CDH4: variants seen among roughly 807,000 people sequenced by gnomAD.
CDH4 encodes cadherin-4.
In CDH4, 33 loss-of-function variants were observed where a neutral mutation model predicts 86.0. That is an observed-to-expected ratio of 0.38 (90% confidence interval 0.29 to 0.51). The LOEUF (loss-of-function observed/expected upper bound fraction) is 0.51. Ranked by LOEUF, CDH4 falls within the 20% of genes least tolerant of loss-of-function variation. The pLI is 0.86. For missense variants in CDH4, 1,114 were observed against 1,307.4 expected, an observed-to-expected ratio of 0.85 and a Z score of 2.28; for synonymous variants, 555 against 549.4, an observed-to-expected ratio of 1.01 and a Z score of -0.14.
intron 2 of CDH4, among the ~76,000 whole-genome samples, chr20:61,327,389 A>T (rs1201775372): frequency 2.6e-5 from 4 of 152,214 alleles, no homozygotes; most frequent in African/African-American, 9.6e-5. Context: ...GAGGTTGGGG[A>T]TGTTGAAGAA....
rs993458742 is a variant in CDH4, at chr20:61,663,939, G to C, written c.170-79624G>C. 2.0e-5 allele frequency among the ~76,000 whole-genome samples: 3 copies of C among 152,188 alleles called. No homozygotes were observed. The highest frequency in any genetic ancestry group is 2.0e-4 in the Admixed American group (3 of 15,272). ...GCAGTTTAGAGTGACACTGTCCTCT[G>C]TCCAGCACCGGTCCACGTTGAGGTG... On this transcript the variant is annotated intron_variant, in intron 2 of 15. Coordinates refer to ENST00000614565, the MANE Select transcript of CDH4 (RefSeq NM_001794.5). The surrounding 1 kb of genome is among the most constrained non-coding windows in gnomAD (Gnocchi z 5.0).
chr20:61,468,313 C>T (rs986513778), intron 2 of CDH4, among the ~76,000 whole-genome samples: 4 of 152,212 alleles, frequency 2.6e-5, no homozygotes, highest in Non-Finnish European at 5.9e-5. Flanking sequence ...GAAATGGCCT[C>T]TCCCAGGGCC....
intron 2 of CDH4, among the ~76,000 whole-genome samples, chr20:61,442,303 A>G (rs2085318715): frequency 6.6e-6 from 1 of 152,196 alleles, no homozygotes; most frequent in African/African-American, 2.4e-5. Flanking sequence ...GGATGGAACC[A>G]TGCCTCCCTG....
At chr20:61,272,257 T>A (rs2084187500) in intron 2 of CDH4, among the ~76,000 whole-genome samples, 1 of 152,184 alleles carries the variant, frequency 6.6e-6, no homozygotes, top group Non-Finnish European at 1.5e-5. Context: ...AGTCCCCCAG[T>A]GGCTTTCTAA....
chr20:61,765,410 A>G (rs533952562), intron 3 of CDH4, among the ~76,000 whole-genome samples: 408 of 152,270 alleles, frequency 2.7e-3, no homozygotes, highest in African/African-American at 8.0e-3. Flanking sequence ...ATGGCTGTAC[A>G]TGATACTGAG....
rs563723996 is a variant in CDH4, at chr20:61,375,439, G to T, written c.169+120502G>T. Among the ~76,000 whole-genome samples, 5 of 151,814 alleles carry T rather than the reference G, an allele frequency of 3.3e-5. No homozygotes were observed. The South Asian group carries it at 1.1e-3, about 32-fold the overall frequency. The stretch of plus-strand genomic sequence containing the variant: ...GGTGATGGTGCTGGTGGTGGTCTTG[G>T]TGGTGGTAGTCATAGCACTGGTAGT... On this transcript the variant is annotated intron_variant, in intron 2 of 15. Transcript: ENST00000614565.
chr20:61,300,394 C>T (rs1280629670), intron 2 of CDH4, among the ~76,000 whole-genome samples: 1 of 152,164 alleles, frequency 6.6e-6, no homozygotes, highest in Non-Finnish European at 1.5e-5. Flanking sequence ...CTGGGAGTCT[C>T]GGCTGGGTGG....
chr20:61,352,969 A>G (rs2084722041), intron 2 of CDH4, among the ~76,000 whole-genome samples: 1 of 152,104 alleles, frequency 6.6e-6, no homozygotes, highest in African/African-American at 2.4e-5. Flanking sequence ...CCTGTGTGGC[A>G]TGCCGGACCA....
intron 7 of CDH4, among the ~76,000 whole-genome samples, chr20:61,877,497 C>T (rs932270463): frequency 3.3e-5 from 5 of 152,024 alleles, no homozygotes; most frequent in African/African-American, 4.8e-5. Flanking sequence ...CATGAGGAGA[C>T]GCTGGTGTTG....
intron 7 of CDH4, among the ~76,000 whole-genome samples, chr20:61,889,026 C>A (rs926123243): frequency 6.6e-6 from 1 of 152,218 alleles, no homozygotes; most frequent in African/African-American, 2.4e-5. Context: ...CCCTCACGGC[C>A]TCTGCATTAG....
chr20:61,618,925 C>T (rs187840551), intron 2 of CDH4, among the ~76,000 whole-genome samples: 21 of 152,296 alleles, frequency 1.4e-4, no homozygotes, highest in South Asian at 4.1e-4. Flanking sequence ...TGGCTTACAA[C>T]GCTGCACCCA....
At chr20:61,527,776 C>A (rs117646405) in intron 2 of CDH4, among the ~76,000 whole-genome samples, 2 of 152,030 alleles carry the variant, frequency 1.3e-5, no homozygotes, top group Non-Finnish European at 2.9e-5. Flanking sequence ...CTGGTTTCCT[C>A]CCCTTCCAGA....
intron 2 of CDH4, among the ~76,000 whole-genome samples, chr20:61,263,343 G>A (rs939195850): frequency 6.6e-6 from 1 of 152,164 alleles, no homozygotes; most frequent in Non-Finnish European, 1.5e-5. Context: ...TTAAACAAAA[G>A]AGAACAAACC....
chr20:61,746,232 G>A (rs1476690070), intron 3 of CDH4, among the ~76,000 whole-genome samples: 1 of 152,248 alleles, frequency 6.6e-6, no homozygotes, highest in Non-Finnish European at 1.5e-5. Context: ...TGGGCAGCCT[G>A]AGGACCCTGT....
intron 2 of CDH4, among the ~76,000 whole-genome samples, chr20:61,271,577 G>C (rs1040428569): frequency 3.3e-5 from 5 of 152,212 alleles, no homozygotes; most frequent in Non-Finnish European, 5.9e-5. Flanking sequence ...GTGAGGCCCC[G>C]GCCTGGGGGT....
chr20:61,779,209 G>A (rs1297515410), intron 4 of CDH4, among the ~76,000 whole-genome samples: 1 of 152,242 alleles, frequency 6.6e-6, no homozygotes, highest in Non-Finnish European at 1.5e-5. Flanking sequence ...TTGAGAGGCT[G>A]TCCAGGGCAA....
intron 2 of CDH4, chr20:61,740,434 T>C (rs2088319279): frequency 6.6e-6 from 1 of 152,230 alleles, no homozygotes; most frequent in Non-Finnish European, 1.5e-5. Flanking sequence ...TCAGTGCTAA[T>C]GTTCTGTGAA....
intron 2 of CDH4, among the ~76,000 whole-genome samples, chr20:61,727,502 C>T (rs2088130364): frequency 6.6e-6 from 1 of 152,184 alleles, no homozygotes; most frequent in Non-Finnish European, 1.5e-5. Context: ...CTTAGTCCAC[C>T]TTTATTACTT....
chr20:61,450,432 G>A (rs1318707590), intron 2 of CDH4, among the ~76,000 whole-genome samples: 1 of 152,134 alleles, frequency 6.6e-6, no homozygotes, highest in Non-Finnish European at 1.5e-5. Context: ...CACAGCAGTG[G>A]GGGCTGAGAT....
Sources: gnomAD v4.1 joint callset for allele counts (sites outside exome capture counted in the v4.1 genomes callset) on GRCh38, gnomAD v4.1.1 for gene constraint, Gnocchi (gnomAD v3.1) non-coding constraint, MANE v1.5 for transcripts, NCBI Gene and HGNC (gene_info 2026-07-23, HGNC 2026-07-21) for gene names.